Variants in ATP2C1 observed in about 807,000 individuals in gnomAD.
ATP2C1 encodes calcium-transporting ATPase type 2C member 1.
A neutral mutation model predicts 120.5 loss-of-function variants in ATP2C1; 31 were observed. That is an observed-to-expected ratio of 0.26 (90% CI 0.19 to 0.35). The LOEUF (loss-of-function observed/expected upper bound fraction) is 0.35, where lower values mean the gene tolerates loss of function less well. Ranked by LOEUF, ATP2C1 falls within the 10% of genes least tolerant of loss-of-function variation. ATP2C1 has a pLI of 1.00. For synonymous variants in ATP2C1, 351 were observed against 358.7 expected, an observed-to-expected ratio of 0.98 and a Z score of 0.24; for missense variants, 731 against 1,107.5, an observed-to-expected ratio of 0.66 and a Z score of 4.83.
In ATP2C1 at chr3:130,972,285, TG is replaced by T. The variant is rs145503141; in HGVS notation, c.1413+2890del. On this transcript the variant is annotated intron_variant, in intron 17 of 27. Coordinates refer to ENST00000510168, the MANE Select transcript of ATP2C1 (RefSeq NM_001378687.1). Reference sequence around the variant, plus strand: ...GCTGGGTTCCTAACATACCATGGACTGTACTGGTCCACTGCCTGGGAGTTGG... The same window carrying T: ...GCTGGGTTCCTAACATACCATGGACTTACTGGTCCACTGCCTGGGAGTTGG... Among the ~76,000 whole-genome samples, 697 of 152,214 alleles carry T rather than the reference TG, an allele frequency of 4.6e-3. 4 individuals carry two copies. The highest frequency in any genetic ancestry group is 0.015 in the African/African-American group (632 of 41,520).
chr3:130,899,498 T>G (rs568513295), intron 2 of ATP2C1: 2 of 152,132 alleles, frequency 1.3e-5, no homozygotes, highest in Non-Finnish European at 2.9e-5. Flanking sequence ...TCGCTTTGAG[T>G]AGGCTGAAGA....
chr3:130,961,759 C>T (rs996377055), intron 12 of ATP2C1, among the ~76,000 whole-genome samples: 13 of 151,984 alleles, frequency 8.6e-5, no homozygotes, highest in African/African-American at 3.1e-4. Context: ...TCACTTTCTA[C>T]TATAATGGCA....
At chr3:130,915,722 A>G (rs1171447050) in intron 2 of ATP2C1, among the ~76,000 whole-genome samples, 1 of 152,180 alleles carries the variant, frequency 6.6e-6, no homozygotes, top group Non-Finnish European at 1.5e-5. Context: ...GAGGCCTAAA[A>G]GCTTAGTGTA....
chr3:130,979,009 C>A (rs978195260), intron 18 of ATP2C1, among the ~76,000 whole-genome samples: 4 of 152,170 alleles, frequency 2.6e-5, no homozygotes, highest in African/African-American at 9.7e-5. Flanking sequence ...CTCTTGCCTA[C>A]TCTGCCCTTC....
chr3:130,957,473 T>C (rs528331445), intron 11 of ATP2C1, among the ~76,000 whole-genome samples: 1 of 152,300 alleles, frequency 6.6e-6, no homozygotes, highest in South Asian at 2.1e-4. Context: ...CTTGCATTAA[T>C]TTTGGAGTCT....
At chr3:130,897,031 A>G (rs2069692154) in intron 2 of ATP2C1, among the ~76,000 whole-genome samples, 1 of 152,248 alleles carries the variant, frequency 6.6e-6, no homozygotes, top group Non-Finnish European at 1.5e-5. Context: ...TATCTGGCAC[A>G]TAGTAAGTGC....
intron 1 of ATP2C1, among the ~76,000 whole-genome samples, chr3:130,877,941 T>G (rs1016600331): frequency 6.6e-6 from 1 of 151,908 alleles, no homozygotes; most frequent in Non-Finnish European, 1.5e-5. Flanking sequence ...ATATACACCA[T>G]GGAATATTAT....
chr3:130,864,813 A>G (rs2068116874), intron 1 of ATP2C1, among the ~76,000 whole-genome samples: 1 of 152,228 alleles, frequency 6.6e-6, no homozygotes, highest in African/African-American at 2.4e-5. Context: ...CAGAAGATGT[A>G]TGGAAACACC....
At chr3:130,998,632 AT>A (rs1279358657) in intron 26 of ATP2C1, among the ~76,000 whole-genome samples, 1 of 152,218 alleles carries the variant, frequency 6.6e-6, no homozygotes, top group Non-Finnish European at 1.5e-5. Flanking sequence ...AGGTGTTGTC[AT>A]CTGCGTTTAG....
At chr3:130,956,630 AGTGTG>A (rs2060593875) in intron 11 of ATP2C1, among the ~76,000 whole-genome samples, 1 of 151,728 alleles carries the variant, frequency 6.6e-6, no homozygotes, top group South Asian at 2.1e-4. Context: ...ATACTTCTTT[AGTGTG>A]GTGTCTTCTG....
intron 1 of ATP2C1, among the ~76,000 whole-genome samples, chr3:130,886,983 G>T (rs2068990061): frequency 6.6e-6 from 1 of 152,116 alleles, no homozygotes; most frequent in Admixed American, 6.6e-5. Flanking sequence ...CCTTGGGAAG[G>T]TTTTTCAGGT....
chr3:130,914,839 A>G (rs900336976), intron 2 of ATP2C1, among the ~76,000 whole-genome samples: 1 of 152,212 alleles, frequency 6.6e-6, no homozygotes, highest in Non-Finnish European at 1.5e-5. Flanking sequence ...ACATGAAAAC[A>G]TGGGGAACAT....
At chr3:130,989,858 TAG>T (rs1221156828) in intron 20 of ATP2C1, among the ~76,000 whole-genome samples, 1 of 152,240 alleles carries the variant, frequency 6.6e-6, no homozygotes, top group Non-Finnish European at 1.5e-5. Flanking sequence ...CTGCAGTAAT[TAG>T]AGTTTTCACT....
In ATP2C1 at chr3:130,894,412, C is replaced by G. The variant is rs1207778311; in HGVS notation, c.-181+75C>G. 3.2e-6 allele frequency: 4 copies of G among 1,235,762 alleles called. No individual in the cohort carries two copies. The African/African-American group carries it at 4.6e-5, about 14-fold the overall frequency. 76.5% of individuals were successfully genotyped at this position (1,235,762 alleles called of 1,614,324 possible). Reference sequence around the variant, plus strand: ...CTGAAGGAAGGGGAGGTTCGGGTATCCCCTGGATGGGGGGGCATCTCTAGG... The same window carrying G: ...CTGAAGGAAGGGGAGGTTCGGGTATGCCCTGGATGGGGGGGCATCTCTAGG... On this transcript the variant is annotated intron_variant, in intron 1 of 27. Transcript: ENST00000510168. The surrounding 1 kb of genome is among the most constrained non-coding windows in gnomAD (Gnocchi z 4.5).
At chr3:131,013,950 C>T in intron 26 of ATP2C1, 1 of 713,174 alleles carries the variant, frequency 1.4e-6, no homozygotes, top group Non-Finnish European at 2.2e-6. Flanking sequence ...ATGTTTATCC[C>T]CTAACAGGTC....
At chr3:130,954,421 G>T (rs887881828) in intron 9 of ATP2C1, among the ~76,000 whole-genome samples, 7 of 152,234 alleles carry the variant, frequency 4.6e-5, no homozygotes, top group African/African-American at 1.2e-4. Flanking sequence ...CTCCTATTGA[G>T]TATAATACAT....
chr3:130,898,474 T>G (rs2069839672), intron 2 of ATP2C1, among the ~76,000 whole-genome samples: 2 of 152,174 alleles, frequency 1.3e-5, no homozygotes, highest in South Asian at 4.1e-4. Context: ...AATATATCTT[T>G]GGGTGTGGGA....
chr3:130,953,121 G>A (rs1271327036), intron 8 of ATP2C1, among the ~76,000 whole-genome samples: 2 of 146,236 alleles, frequency 1.4e-5, no homozygotes, highest in South Asian at 2.2e-4. Context: ...ATGTATATAT[G>A]TATGTATGTG....
At chr3:130,936,802 G>A (rs1209049018) in intron 5 of ATP2C1, among the ~76,000 whole-genome samples, 2 of 114,652 alleles carry the variant, frequency 1.7e-5, no homozygotes, top group East Asian at 3.1e-4. Flanking sequence ...GGGCAATAGA[G>A]CAAGACTCTG....
Sources: allele counts gnomAD v4.1 joint callset (sites outside exome capture counted in the v4.1 genomes callset), GRCh38; gene constraint gnomAD v4.1.1; non-coding constraint Gnocchi (gnomAD v3.1); transcripts MANE v1.5; gene names NCBI Gene and HGNC (gene_info 2026-07-23, HGNC 2026-07-21).